The following SH3PXD2B variants were observed in gnomAD, a reference collection of about 807,000 sequenced individuals.
SH3PXD2B encodes the protein SH3 and PX domains 2B, also known as SH3 and PX domain-containing protein 2B.
A neutral mutation model predicts 73.1 loss-of-function variants in SH3PXD2B; 37 were observed. The ratio of observed to expected loss-of-function variants is 0.51; its 90% CI spans 0.39 to 0.67. The LOEUF (loss-of-function observed/expected upper bound fraction) is 0.67. SH3PXD2B is among the 30% of genes least tolerant of loss of function. SH3PXD2B has a pLI of 0.00. For synonymous variants in SH3PXD2B, 457 were observed against 480.5 expected (o/e 0.95, Z 0.64); for missense variants, 1,053 against 1,197.8 (o/e 0.88, Z 1.78).
chr5:172,338,669 C>T lies in SH3PXD2B; in HGVS notation c.2436G>A (p.Leu812=). ...PKAKPFLSNS[L]GGQDDTRGKG... ...TGCCTCGCGTGTCATCCTGGCCCCCCAAAGAGTTGGAGAGAAAAGGTTTGG... is the reference window on the plus strand; with the variant it reads ...TGCCTCGCGTGTCATCCTGGCCCCCTAAAGAGTTGGAGAGAAAAGGTTTGG... Residue 812 remains leucine (L), a synonymous_variant, in exon 13 of 13, where the codon TTG becomes TTA. Coordinates refer to ENST00000311601, the MANE Select transcript of SH3PXD2B (RefSeq NM_001017995.3). This position sits in a 1 kb window ranked among gnomAD's most constrained non-coding sequence, Gnocchi z 5.1. The T allele has an allele frequency of 1.9e-6, 3 of 1,614,212 alleles. No homozygotes were observed. The highest frequency in any genetic ancestry group is 2.5e-6 in the Non-Finnish European group (3 of 1,180,050).
At chr5:172,381,614 G>C (rs151029220) in intron 5 of SH3PXD2B, among the ~76,000 whole-genome samples, 1 of 152,110 alleles carries the variant, frequency 6.6e-6, no homozygotes. Context: ...ATGAAATCCC[G>C]GCCCCGTTGC....
chr5:172,404,324 T>C (rs934890609), intron 3 of SH3PXD2B, among the ~76,000 whole-genome samples: 4 of 151,992 alleles, frequency 2.6e-5, no homozygotes, highest in Non-Finnish European at 5.9e-5. Context: ...ATATTTTTTT[T>C]TGAGATAGAG....
intron 4 of SH3PXD2B, among the ~76,000 whole-genome samples, chr5:172,389,472 C>T (rs189654741): frequency 2.9e-4 from 40 of 136,530 alleles, no homozygotes; most frequent in Middle Eastern, 4.1e-3. Context: ...TTTGTTGGGC[C>T]TCCACCTCCT....
intron 5 of SH3PXD2B, 132 bp downstream of exon 5, chr5:172,381,899 TAAGTG>T (rs1757955180): frequency 1.5e-6 from 1 of 645,486 alleles, no homozygotes; most frequent in Admixed American, 2.6e-5. Context: ...CTCTGAAGGC[TAAGTG>T]AAGTGCGGTC....
chr5:172,352,910 C>T (rs762756134), intron 9 of SH3PXD2B, among the ~76,000 whole-genome samples: 10 of 151,922 alleles, frequency 6.6e-5, no homozygotes, highest in Admixed American at 1.3e-4. Context: ...TATCATTATC[C>T]GTTTTCAAAT....
intron 9 of SH3PXD2B, among the ~76,000 whole-genome samples, chr5:172,351,768 G>C (rs921670229): frequency 6.9e-6 from 1 of 144,474 alleles, no homozygotes; most frequent in Non-Finnish European, 1.6e-5. Flanking sequence ...ATAGCATTGG[G>C]TTTTAATGCA....
intron 8 of SH3PXD2B, among the ~76,000 whole-genome samples, chr5:172,355,003 C>T (rs1399395059): frequency 6.6e-6 from 1 of 152,202 alleles, no homozygotes; most frequent in African/African-American, 2.4e-5. Flanking sequence ...CTCCCACCCC[C>T]AGTGTTATCT....
chr5:172,333,995 T>C lies in SH3PXD2B; in HGVS notation c.*4374A>G. The stretch of plus-strand genomic sequence containing the variant: ...CTGATGTAAGCCTGGTGGGGGCACC[T>C]TCTTTTTTACATGAATAGGACATCT... On this transcript the variant is annotated 3_prime_UTR_variant, in exon 13 of 13. Coordinates refer to ENST00000311601, the MANE Select transcript of SH3PXD2B (RefSeq NM_001017995.3). The C allele has an allele frequency of 8.4e-7, 1 of 1,194,286 alleles. No individual in the cohort carries two copies. Among genetic ancestry groups the C allele is most frequent in the Non-Finnish European group, 1.1e-6 (1 of 949,560 alleles). The allele number at this position is 1,194,286 out of a possible 1,614,324, so 74.0% of individuals were successfully genotyped here.
At chr5:172,382,174 A>C in intron 4 of SH3PXD2B, 47 bp from the exon 5 acceptor site, 1 of 1,474,470 alleles carries the variant, frequency 6.8e-7, no homozygotes, top group African/African-American at 1.4e-5. Flanking sequence ...GAGGGGGCTG[A>C]GCATGGTGGC....
chr5:172,338,686 A>G lies in SH3PXD2B; in HGVS notation c.2419T>C (p.Phe807Leu), dbSNP rs766796858. Residue 807 changes from phenylalanine (F) to leucine (L), a missense_variant, in exon 13 of 13, where the codon TTT (phenylalanine) becomes CTT (leucine). Phe to Leu is a conservative substitution (Grantham distance 22). Coordinates refer to ENST00000311601, the MANE Select transcript of SH3PXD2B (RefSeq NM_001017995.3). The surrounding 1 kb of genome is among the most constrained non-coding windows in gnomAD (Gnocchi z 5.1). Reference protein sequence around the residue: ...ALLVPPKAKPFLSNSLGGQDD... With the variant: ...ALLVPPKAKPLLSNSLGGQDD... ...TGGCCCCCCAAAGAGTTGGAGAGAA[A>G]AGGTTTGGCTTTTGGAGGGACGAGG... is the stretch of plus-strand genomic sequence containing the variant. The G allele has an allele frequency of 1.1e-5, 17 of 1,614,010 alleles. No homozygotes were observed. In the South Asian group the frequency reaches 1.8e-4, roughly 17 times the overall value.
chr5:172,336,203 AC>A lies in SH3PXD2B; in HGVS notation c.*2165del. ...AAGGCAAAGAGCAAATCAGAAAAAA[AC>A]ATGTGTTTTGTCTTTTGAAATGCAG... On this transcript the variant is annotated 3_prime_UTR_variant, in exon 13 of 13. Coordinates refer to ENST00000311601, the MANE Select transcript of SH3PXD2B (RefSeq NM_001017995.3). 1.0e-6 allele frequency: 1 copy of A among 985,602 alleles called. No individual in the cohort carries two copies. Among genetic ancestry groups the A allele is most frequent in the Non-Finnish European group, 1.2e-6 (1 of 830,022 alleles). The allele number at this position is 985,602 out of a possible 1,614,324, so 61.1% of individuals were successfully genotyped here. A position where few individuals can be genotyped will look rare whatever the true frequency, so the allele number is the denominator to read the frequency against.
chr5:172,329,079 A>ATTTTTTTT (rs1386540665), downstream of SH3PXD2B, among the ~76,000 whole-genome samples: 5 of 64,506 alleles, frequency 7.8e-5, no homozygotes, highest in East Asian at 5.3e-4. Context: ...ATATATATAT[A>ATTTTTTTT]TATATTTTTT....
At chr5:172,430,219 G>A (rs147763177) in intron 1 of SH3PXD2B, among the ~76,000 whole-genome samples, 12 of 152,354 alleles carry the variant, frequency 7.9e-5, no homozygotes, top group African/African-American at 2.9e-4. Context: ...GGTCACAAAG[G>A]TGAGGGAACC....
intron 6 of SH3PXD2B, among the ~76,000 whole-genome samples, chr5:172,368,252 CTCAT>C (rs1337383566): frequency 6.6e-6 from 1 of 151,494 alleles, no homozygotes; most frequent in Non-Finnish European, 1.5e-5. Context: ...CTTGCACTGC[CTCAT>C]TCAGTTTTAT....
In SH3PXD2B at chr5:172,414,456, T is replaced by TAA. The variant is rs1007937801; in HGVS notation, c.156+7958_156+7959dup. ...TGCACTCCAGAGCGAGACTCCATCTTAAAAAAAAAAAAAAAAAAAAAAAAA... is the reference window on the plus strand; with the variant it reads ...TGCACTCCAGAGCGAGACTCCATCTTAAAAAAAAAAAAAAAAAAAAAAAAAAA... On this transcript the variant is annotated intron_variant, in intron 2 of 12. Transcript: ENST00000311601. Among the ~76,000 whole-genome samples, 542 of 77,532 alleles carry TAA rather than the reference T, an allele frequency of 7.0e-3. 7 individuals carry two copies. The highest frequency in any genetic ancestry group is 0.024 in the African/African-American group (480 of 20,352). 50.9% of individuals were successfully genotyped at this position (77,532 alleles called of 152,430 possible).
chr5:172,439,683 C>T (rs1379436728), intron 1 of SH3PXD2B, among the ~76,000 whole-genome samples: 2 of 97,532 alleles, frequency 2.1e-5, no homozygotes, highest in East Asian at 2.7e-4. Context: ...TGCGTGCGCG[C>T]ACGCGCGCGC....
At chr5:172,428,066 G>A (rs1021016643) in intron 1 of SH3PXD2B, among the ~76,000 whole-genome samples, 2 of 152,010 alleles carry the variant, frequency 1.3e-5, no homozygotes, top group South Asian at 2.1e-4. Flanking sequence ...ATGAGCCACC[G>A]CACCTGGCCA....
downstream of SH3PXD2B, chr5:172,333,388 A>C (rs111507469): frequency 1.1e-4 from 66 of 584,566 alleles, no homozygotes; most frequent in African/African-American, 1.3e-3. Flanking sequence ...CTATTTCTCC[A>C]CAGTTCCCAA....
rs73317800 is a variant in SH3PXD2B, at chr5:172,339,467, C to T, written c.1638G>A (p.Thr546=). 7.9e-4 allele frequency: 1,268 copies of T among 1,613,780 alleles called. 12 individuals are homozygous for T. In the African/African-American group the frequency reaches 0.015, roughly 19 times the overall value. Residue 546 remains threonine (T), a synonymous_variant, in exon 13 of 13, where the codon ACG becomes ACA. Transcript: ENST00000311601. The surrounding 1 kb of genome is among the most constrained non-coding windows in gnomAD (Gnocchi z 6.1). The stretch of plus-strand genomic sequence containing the variant: ...TGGGAGTGGGGCCCCGGAGCTGCTC[C>T]GTCCTCTGCCGCTCCCGCTCCCGCT... ...LLERERERQR[T]EQLRGPTPKP...
Sources: allele counts gnomAD v4.1 joint callset (sites outside exome capture counted in the v4.1 genomes callset), GRCh38; gene constraint gnomAD v4.1.1; non-coding constraint Gnocchi (gnomAD v3.1); transcripts MANE v1.5; gene names NCBI Gene and HGNC (gene_info 2026-07-23, HGNC 2026-07-21).